RASGRP3: variants seen among roughly 807,000 people sequenced by gnomAD.
The protein encoded by RASGRP3 is ras guanyl-releasing protein 3.
A neutral mutation model predicts 82.7 loss-of-function variants in RASGRP3; 54 were observed. The ratio of observed to expected loss-of-function variants is 0.65; its 90% CI spans 0.52 to 0.82. RASGRP3 has a LOEUF of 0.82. RASGRP3 is among the 40% of genes least tolerant of loss of function. The pLI is 0.00. For missense variants in RASGRP3, 861 were observed against 828.9 expected (o/e 1.04, Z -0.48); for synonymous variants, 309 against 300.5 (o/e 1.03, Z -0.29).
chr2:33,483,342 T>C (rs914679920), intron 1 of RASGRP3, among the ~76,000 whole-genome samples: 6 of 152,206 alleles, frequency 3.9e-5, no homozygotes, highest in African/African-American at 7.2e-5. Context: ...ATGCCGTTGA[T>C]TTGCTAAAGT....
intron 2 of RASGRP3, among the ~76,000 whole-genome samples, chr2:33,466,977 G>GTAA (rs1488626437): frequency 6.6e-6 from 1 of 152,010 alleles, no homozygotes; most frequent in Non-Finnish European, 1.5e-5. Flanking sequence ...TCATCTAGGG[G>GTAA]TAATAATAGC....
upstream of RASGRP3, among the ~76,000 whole-genome samples, chr2:33,473,791 G>C (rs377461272): frequency 4.6e-5 from 7 of 152,258 alleles, no homozygotes; most frequent in African/African-American, 1.7e-4. Context: ...CCTGGCTATA[G>C]AACTAGAAAA....
intron 2 of RASGRP3, among the ~76,000 whole-genome samples, chr2:33,452,283 T>C (rs1175207070): frequency 1.3e-5 from 2 of 152,234 alleles, no homozygotes; most frequent in Admixed American, 1.3e-4. Flanking sequence ...TTTCCCTTAT[T>C]ATTCACTATC....
intron 17 of RASGRP3, 56 bp from the exon 18 acceptor site, chr2:33,562,673 C>A (rs1676810339): frequency 6.3e-7 from 1 of 1,590,750 alleles, no homozygotes. Flanking sequence ...TCTAGGAACA[C>A]TCTTATTTTG....
At chr2:33,525,645 T>C (rs1410554188) in intron 9 of RASGRP3, among the ~76,000 whole-genome samples, 1 of 134,872 alleles carries the variant, frequency 7.4e-6, no homozygotes, top group Admixed American at 9.1e-5. Context: ...GGAGGATTGC[T>C]TGAAGCCAGG....
chr2:33,534,415 C>A lies in RASGRP3; in HGVS notation c.1161+15C>A, dbSNP rs111444787. 5 of 1,500,720 alleles carry A rather than the reference C, an allele frequency of 3.3e-6. No individual in the cohort carries two copies. Among genetic ancestry groups the A allele is most frequent in the African/African-American group, 2.8e-5 (2 of 72,716 alleles). 93.0% of individuals were successfully genotyped at this position (1,500,720 alleles called of 1,614,324 possible). On this transcript the variant is annotated intron_variant, in intron 11 of 17. Transcript: ENST00000403687. ...ATTCTAAATCGGTAGGTATTATTTT[C>A]TCTCCAAGGATCAGTACCAATCACT...
In RASGRP3 at chr2:33,534,048, A is replaced by G. The variant is rs555599167; in HGVS notation, c.1084-275A>G. ...AGCCTGGAAACATCACATATCCCTC[A>G]TCCGTGACTCAGCACTGAGCACCTG... On this transcript the variant is annotated intron_variant, in intron 10 of 17. Coordinates refer to ENST00000403687, the MANE Select transcript of RASGRP3 (RefSeq NM_001139488.2). 502 of 394,572 alleles carry G rather than the reference A, an allele frequency of 1.3e-3. 2 individuals are homozygous for G. Among genetic ancestry groups the G allele is most frequent in the Non-Finnish European group, 1.9e-3 (406 of 218,130 alleles). 24.4% of individuals were successfully genotyped at this position (394,572 alleles called of 1,614,324 possible).
At chr2:33,517,869 A>T (rs1015541822) in intron 4 of RASGRP3, among the ~76,000 whole-genome samples, 1 of 152,206 alleles carries the variant, frequency 6.6e-6, no homozygotes, top group Non-Finnish European at 1.5e-5. Flanking sequence ...TGGAAAGTTG[A>T]AGACTGCCTG....
intron 10 of RASGRP3, among the ~76,000 whole-genome samples, chr2:33,529,315 A>G (rs557956600): frequency 6.6e-6 from 1 of 151,682 alleles, no homozygotes; most frequent in East Asian, 1.9e-4. Context: ...TAACACGGTG[A>G]AACGCCATCT....
At chr2:33,500,717 C>T (rs1172779539) in intron 1 of RASGRP3, among the ~76,000 whole-genome samples, 4 of 152,154 alleles carry the variant, frequency 2.6e-5, no homozygotes, top group Admixed American at 1.3e-4. Context: ...AGGCGGATCA[C>T]AAGGTCAGGA....
intron 10 of RASGRP3, among the ~76,000 whole-genome samples, chr2:33,529,549 G>GA (rs1159927786): frequency 1.4e-5 from 2 of 141,458 alleles, no homozygotes; most frequent in Non-Finnish European, 3.1e-5. Flanking sequence ...TAAAGGCTAA[G>GA]AAAAAAATTC....
At chr2:33,508,990 G>C (rs1670667699) in intron 1 of RASGRP3, among the ~76,000 whole-genome samples, 1 of 152,212 alleles carries the variant, frequency 6.6e-6, no homozygotes, top group African/African-American at 2.4e-5. Context: ...CAGAACTAAA[G>C]CAAGGCTGGC....
At chr2:33,474,212 A>G (rs1335944443), upstream of RASGRP3, among the ~76,000 whole-genome samples, 1 of 152,050 alleles carries the variant, frequency 6.6e-6, no homozygotes, top group Admixed American at 6.5e-5. Flanking sequence ...TCATGTTGAG[A>G]TGTAATTTCC....
chr2:33,515,083 T>C lies in RASGRP3; in HGVS notation c.-54T>C, dbSNP rs1671318622. On this transcript the variant is annotated 5_prime_UTR_variant, in exon 3 of 18. The change abolishes an upstream ATG in the 5' untranslated region. Coordinates refer to ENST00000403687, the MANE Select transcript of RASGRP3 (RefSeq NM_001139488.2). Reference sequence around the variant, plus strand: ...TCGCTGACTTGCATGATTATGGAGATGGTCTATCTGATGCTGAAAATGTCT... The same window carrying C: ...TCGCTGACTTGCATGATTATGGAGACGGTCTATCTGATGCTGAAAATGTCT... The C allele has an allele frequency of 3.9e-6, 6 of 1,532,336 alleles. No homozygotes were observed. Among genetic ancestry groups the C allele is most frequent in the Non-Finnish European group, 5.4e-6 (6 of 1,105,710 alleles). 94.9% of individuals were successfully genotyped at this position (1,532,336 alleles called of 1,614,324 possible).
Position 33,559,599 on chromosome 2 carries a change from T to TA in RASGRP3, c.2064+570dup, listed in dbSNP as rs531064317. ...AAAGTAGGATGCAGATGGAATTTGT[T>TA]AGAGTATGCTGACACAGAAATTGAT... is the stretch of plus-strand genomic sequence containing the variant. On this transcript the variant is annotated intron_variant, in intron 17 of 17. Transcript: ENST00000403687. 1.5e-3 allele frequency: 759 copies of TA among 518,772 alleles called. 5 individuals carry two copies. In the Middle Eastern group the frequency reaches 0.033, roughly 22 times the overall value. The allele number at this position is 518,772 out of a possible 1,614,324, so 32.1% of individuals were successfully genotyped here. A position where few individuals can be genotyped will look rare whatever the true frequency, so the allele number is the denominator to read the frequency against.
chr2:33,558,398 C>T (rs1478395796), intron 16 of RASGRP3, 62 bp downstream of exon 16: 1 of 1,609,030 alleles, frequency 6.2e-7, no homozygotes, highest in Non-Finnish European at 8.5e-7. Context: ...CACACTTGGA[C>T]CTCATTTAGG....
chr2:33,529,249 C>T (rs770984376), intron 10 of RASGRP3, among the ~76,000 whole-genome samples: 2 of 151,734 alleles, frequency 1.3e-5, no homozygotes, highest in African/African-American at 2.4e-5. Context: ...AATTCCAGCA[C>T]TTTGGGAGGC....
intron 10 of RASGRP3, 106 bp downstream of exon 10, chr2:33,527,518 T>C: frequency 8.1e-7 from 1 of 1,240,132 alleles, no homozygotes; most frequent in Non-Finnish European, 1.1e-6. Flanking sequence ...GGAAAATTGG[T>C]TTCAGAGTCA....
chr2:33,536,898 G>A (rs1673668804), intron 11 of RASGRP3, among the ~76,000 whole-genome samples: 1 of 152,202 alleles, frequency 6.6e-6, no homozygotes, highest in Admixed American at 6.5e-5. Flanking sequence ...CCCCAAGACA[G>A]CATCTAGGGG....
Sources: allele counts gnomAD v4.1 joint callset (sites outside exome capture counted in the v4.1 genomes callset), GRCh38; gene constraint gnomAD v4.1.1; transcripts MANE v1.5; gene names NCBI Gene and HGNC (gene_info 2026-07-23, HGNC 2026-07-21).